PDE10A: variants seen among roughly 807,000 people sequenced by gnomAD.
The protein encoded by PDE10A is cAMP and cAMP-inhibited cGMP 3',5'-cyclic phosphodiesterase 10A.
PDE10A carries 39 observed loss-of-function variants against 97.7 expected under a neutral mutation model. The ratio of observed to expected loss-of-function variants is 0.40; its 90% confidence interval spans 0.31 to 0.52. The LOEUF is 0.52. PDE10A is among the 20% of genes least tolerant of loss of function. The pLI, the probability that PDE10A is intolerant of heterozygous loss-of-function variation, is 0.56. For missense variants in PDE10A, 731 were observed against 1,047.8 expected (o/e 0.70, Z 4.17); for synonymous variants, 371 against 376.8 (o/e 0.98, Z 0.18).
chr6:165,777,129 G>A (rs530038848), intron 1 of PDE10A, among the ~76,000 whole-genome samples: 9 of 152,278 alleles, frequency 5.9e-5, no homozygotes, highest in Non-Finnish European at 7.4e-5. Context: ...ACAGCATCCC[G>A]GACGAATCTC....
intron 3 of PDE10A, among the ~76,000 whole-genome samples, chr6:165,460,882 G>A (rs1447627377): frequency 1.3e-5 from 2 of 152,066 alleles, no homozygotes; most frequent in Admixed American, 1.3e-4. Context: ...TGCAAGGTTT[G>A]AAAAAACCGC....
At chr6:165,522,350 A>C (rs1165043948) in intron 2 of PDE10A, among the ~76,000 whole-genome samples, 1 of 152,176 alleles carries the variant, frequency 6.6e-6, no homozygotes, top group Non-Finnish European at 1.5e-5. Context: ...ACAATGCAAA[A>C]AGAAAACTAT....
At chr6:165,985,157 ACT>A (rs1785149932) in intron 1 of PDE10A, among the ~76,000 whole-genome samples, 1 of 152,128 alleles carries the variant, frequency 6.6e-6, no homozygotes, top group South Asian at 2.1e-4. Flanking sequence ...ACCTATCCAG[ACT>A]CAGATTCTCC....
intron 1 of PDE10A, chr6:165,911,077 A>C (rs561053027): frequency 3.3e-5 from 5 of 152,378 alleles, no homozygotes; most frequent in Admixed American, 6.5e-5. Context: ...ATCCCGGGCT[A>C]TGACAGAATT....
At chr6:165,608,999 T>C (rs1432857344) in intron 1 of PDE10A, among the ~76,000 whole-genome samples, 1 of 152,244 alleles carries the variant, frequency 6.6e-6, no homozygotes. Context: ...TTGTAGATTC[T>C]GGATATTAGC....
chr6:165,967,663 A>G (rs1338587034), intron 1 of PDE10A, among the ~76,000 whole-genome samples: 1 of 152,246 alleles, frequency 6.6e-6, no homozygotes, highest in African/African-American at 2.4e-5. Flanking sequence ...CAGAAAATAG[A>G]GAAGTGTCTT....
intron 2 of PDE10A, among the ~76,000 whole-genome samples, chr6:165,494,837 C>T (rs1243994829): frequency 1.3e-5 from 2 of 152,154 alleles, no homozygotes; most frequent in African/African-American, 2.4e-5. Flanking sequence ...CACACTGATA[C>T]TATGGAGAAC....
Position 165,661,317 on chromosome 6 carries a change from G to A in PDE10A, c.865+630C>T, listed in dbSNP as rs945178026. The A allele has an allele frequency of 2.0e-5, 3 of 152,336 alleles. No individual in the cohort carries two copies. The highest frequency in any genetic ancestry group is 7.2e-5 in the African/African-American group (3 of 41,450). 9.4% of individuals were successfully genotyped at this position (152,336 alleles called of 1,614,324 possible). A position where few individuals can be genotyped will look rare whatever the true frequency, so the allele number is the denominator to read the frequency against. ...CGGGACCAACAGGACGCGGCCCGGGGTGGGGGTGCGTCCCCTGGGTGGAGG... is the reference window on the plus strand; with the variant it reads ...CGGGACCAACAGGACGCGGCCCGGGATGGGGGTGCGTCCCCTGGGTGGAGG... On this transcript the variant is annotated intron_variant, in intron 1 of 21. Transcript: ENST00000539869. The surrounding 1 kb of genome is among the most constrained non-coding windows in gnomAD (Gnocchi z 4.8).
chr6:165,854,862 G>C (rs1780675792), intron 1 of PDE10A, among the ~76,000 whole-genome samples: 1 of 152,190 alleles, frequency 6.6e-6, no homozygotes, highest in Admixed American at 6.5e-5. Flanking sequence ...GCTGGGTCAG[G>C]CACAAAATCG....
chr6:165,494,539 T>A, intron 2 of PDE10A, among the ~76,000 whole-genome samples: 1 of 146,122 alleles, frequency 6.8e-6, no homozygotes, highest in African/African-American at 2.5e-5. Context: ...TATATATATT[T>A]ATTTATTTAT....
At chr6:165,639,738 CAAAAAAAA>C (rs35358593) in intron 1 of PDE10A, among the ~76,000 whole-genome samples, 1 of 102,566 alleles carries the variant, frequency 9.7e-6, no homozygotes, top group East Asian at 2.8e-4. Context: ...GACTCTGTCC[CAAAAAAAA>C]AAAAAAAAAA....
At chr6:165,583,994 A>T (rs1314390173) in intron 1 of PDE10A, among the ~76,000 whole-genome samples, 1 of 152,212 alleles carries the variant, frequency 6.6e-6, no homozygotes, top group Non-Finnish European at 1.5e-5. Flanking sequence ...CCACCCAGTC[A>T]CTTTGGGCTC....
intron 1 of PDE10A, chr6:165,545,306 C>T: frequency 8.9e-6 from 4 of 451,882 alleles, no homozygotes; most frequent in South Asian, 6.8e-5. Context: ...ACTTTCCCAT[C>T]ACCTCAAGCT....
At chr6:165,871,251 G>C (rs1781197046) in intron 1 of PDE10A, among the ~76,000 whole-genome samples, 1 of 152,154 alleles carries the variant, frequency 6.6e-6, no homozygotes. Context: ...GAAAAGGAAT[G>C]AATTATTGAT....
rs975425600 is a variant in PDE10A, at chr6:165,655,987, C to A, written c.865+5960G>T. Among the ~76,000 whole-genome samples, 1 of 152,068 alleles carries A rather than the reference C, an allele frequency of 6.6e-6. No homozygotes were observed. Among genetic ancestry groups the A allele is most frequent in the Non-Finnish European group, 1.5e-5 (1 of 68,020 alleles). On this transcript the variant is annotated intron_variant, in intron 1 of 21. Coordinates refer to ENST00000539869, the MANE Select transcript of PDE10A (RefSeq NM_001385079.1). This position sits in a 1 kb window ranked among gnomAD's most constrained non-coding sequence, Gnocchi z 4.5. ...CTGCCCCTGTGAAGAGAGACCTGCA[C>A]AGAACAAGGCAAGGAGCCACACAGC...
chr6:165,619,617 G>A (rs1489749006), intron 1 of PDE10A, among the ~76,000 whole-genome samples: 2 of 152,082 alleles, frequency 1.3e-5, no homozygotes, highest in Non-Finnish European at 2.9e-5. Context: ...CTGTAGTCTA[G>A]TGTACTGTAG....
At chr6:165,892,028 C>A (rs937441771) in intron 1 of PDE10A, among the ~76,000 whole-genome samples, 1 of 151,986 alleles carries the variant, frequency 6.6e-6, no homozygotes, top group Admixed American at 6.6e-5. Flanking sequence ...ACTCGATTCT[C>A]CCCCCACTGA....
chr6:165,907,621 T>G (rs1782331148), intron 1 of PDE10A, among the ~76,000 whole-genome samples: 1 of 151,798 alleles, frequency 6.6e-6, no homozygotes, highest in Non-Finnish European at 1.5e-5. Context: ...GGGGTTCGTG[T>G]GCTGCCCTGA....
chr6:165,848,824 C>T (rs1381457358), intron 1 of PDE10A, among the ~76,000 whole-genome samples: 1 of 152,126 alleles, frequency 6.6e-6, no homozygotes, highest in African/African-American at 2.4e-5. Context: ...GGTCAGCCTG[C>T]CTTTCCCAGG....
Sources: allele counts gnomAD v4.1 joint callset (sites outside exome capture counted in the v4.1 genomes callset), GRCh38; gene constraint gnomAD v4.1.1; non-coding constraint Gnocchi (gnomAD v3.1); transcripts MANE v1.5; gene names NCBI Gene and HGNC (gene_info 2026-07-23, HGNC 2026-07-21).